WHRN: variants seen among roughly 807,000 people sequenced by gnomAD.
The protein encoded by WHRN is whirlin.
A neutral mutation model predicts 68.3 loss-of-function variants in WHRN; 41 were observed. The observed-to-expected ratio is 0.60, with a 90% confidence interval of 0.47 to 0.78. The LOEUF (loss-of-function observed/expected upper bound fraction) is 0.78, where lower values mean the gene tolerates loss of function less well. Among genes scored for constraint, WHRN ranks in the 30% least tolerant of loss-of-function variants. The probability of loss-of-function intolerance (pLI) is 0.00; values close to 1 mark genes in which losing one functional copy is unlikely to be tolerated. For synonymous variants in WHRN, 560 were observed against 561.3 expected, an observed-to-expected ratio of 1.00 and a Z score of 0.03; for missense variants, 1,243 against 1,244.7, an observed-to-expected ratio of 1.00 and a Z score of 0.02.
At chr9:114,475,810 CTG>C (rs953384701) in intron 2 of WHRN, among the ~76,000 whole-genome samples, 1 of 152,128 alleles carries the variant, frequency 6.6e-6, no homozygotes, top group Non-Finnish European at 1.5e-5. Context: ...GGTTTCCACA[CTG>C]TGTCAGGAAG....
intron 1 of WHRN, among the ~76,000 whole-genome samples, chr9:114,494,056 C>G (rs1178270405): frequency 6.6e-6 from 1 of 152,234 alleles, no homozygotes; most frequent in East Asian, 1.9e-4. Flanking sequence ...TGACTGTGTG[C>G]CCGTGATGGG....
intron 7 of WHRN, among the ~76,000 whole-genome samples, chr9:114,419,885 T>C (rs1292421268): frequency 6.6e-6 from 1 of 152,158 alleles, no homozygotes; most frequent in Non-Finnish European, 1.5e-5. Flanking sequence ...GGAAACCTGA[T>C]GACCTGGAAA....
chr9:114,454,424 C>A (rs1264709921), intron 3 of WHRN, among the ~76,000 whole-genome samples: 4 of 152,062 alleles, frequency 2.6e-5, no homozygotes, highest in African/African-American at 7.2e-5. Context: ...ATATAAAAAT[C>A]AATTCTATTT....
chr9:114,407,875 T>G, intron 8 of WHRN, 72 bp downstream of exon 8: 6 of 1,306,260 alleles, frequency 4.6e-6, no homozygotes, highest in African/African-American at 1.5e-5. Context: ...GTGGCTGTCA[T>G]GGAGAGGAGA....
At chr9:114,449,061 C>G (rs1007819462) in intron 3 of WHRN, among the ~76,000 whole-genome samples, 2 of 152,182 alleles carry the variant, frequency 1.3e-5, no homozygotes, top group African/African-American at 4.8e-5. Flanking sequence ...CTCCCAAAGC[C>G]CTTCATGTTT....
intron 1 of WHRN, among the ~76,000 whole-genome samples, chr9:114,490,179 A>G (rs542316597): frequency 6.6e-6 from 1 of 152,350 alleles, no homozygotes; most frequent in East Asian, 1.9e-4. Flanking sequence ...AGTGGACCAC[A>G]GAGCATTGGT....
At chr9:114,493,140 A>C (rs777041151) in intron 1 of WHRN, among the ~76,000 whole-genome samples, 3 of 152,110 alleles carry the variant, frequency 2.0e-5, no homozygotes, top group Non-Finnish European at 4.4e-5. Context: ...GCTTGAGCCC[A>C]GAAGTTTGAG....
chr9:114,468,625 A>C (rs1840925206), intron 2 of WHRN, among the ~76,000 whole-genome samples: 1 of 152,084 alleles, frequency 6.6e-6, no homozygotes, highest in Admixed American at 6.5e-5. Context: ...CAGCTGCCTT[A>C]GTCCAGGACC....
At chr9:114,430,716 T>C (rs918300462) in intron 3 of WHRN, among the ~76,000 whole-genome samples, 2 of 152,230 alleles carry the variant, frequency 1.3e-5, no homozygotes, top group South Asian at 2.1e-4. Flanking sequence ...AGAGGCAGCA[T>C]AGATTCCTGT....
rs1840682397 is a variant in WHRN, at chr9:114,466,266, C to T, written c.963+1G>A. On this transcript the variant is annotated splice_donor_variant, in intron 3 of 11. Transcript: ENST00000362057. LOFTEE classifies it high-confidence loss of function. Reference sequence around the variant, plus strand: ...TTTCCCTCCCTCAGGCCCTCCCTCACCTTGAGCCCGCTGCCTTCTGCTTCA... The same window carrying T: ...TTTCCCTCCCTCAGGCCCTCCCTCATCTTGAGCCCGCTGCCTTCTGCTTCA... 6.2e-7 allele frequency: 1 copy of T among 1,613,914 alleles called. No individual in the cohort carries two copies. The highest frequency in any genetic ancestry group is 8.5e-7 in the Non-Finnish European group (1 of 1,180,046).
chr9:114,500,845 A>T (rs1260659989), intron 1 of WHRN, among the ~76,000 whole-genome samples: 1 of 152,260 alleles, frequency 6.6e-6, no homozygotes, highest in East Asian at 1.9e-4. Flanking sequence ...AGCTCTCGTC[A>T]GTACAGTGTA....
intron 2 of WHRN, among the ~76,000 whole-genome samples, chr9:114,470,392 T>C (rs1465529415): frequency 6.6e-6 from 1 of 152,116 alleles, no homozygotes; most frequent in Non-Finnish European, 1.5e-5. Context: ...GGGTCCTGTA[T>C]GGCCAGAGCG....
chr9:114,409,092 CA>C (rs1835244222), intron 7 of WHRN, among the ~76,000 whole-genome samples: 1 of 152,220 alleles, frequency 6.6e-6, no homozygotes, highest in Non-Finnish European at 1.5e-5. Context: ...TTGCGTGGGC[CA>C]ATCCCACACA....
intron 1 of WHRN, among the ~76,000 whole-genome samples, chr9:114,493,908 C>G (rs1456684702): frequency 6.6e-6 from 1 of 152,246 alleles, no homozygotes; most frequent in African/African-American, 2.4e-5. Flanking sequence ...AACTCCTGCT[C>G]TTGCCAGCAC....
chr9:114,410,598 G>A (rs189054334), intron 7 of WHRN, among the ~76,000 whole-genome samples: 5 of 152,292 alleles, frequency 3.3e-5, no homozygotes, highest in East Asian at 1.9e-4. Flanking sequence ...TCCCCATCTC[G>A]ACCCACAAGA....
At chr9:114,418,695 T>C (rs1836009545) in intron 7 of WHRN, among the ~76,000 whole-genome samples, 1 of 152,238 alleles carries the variant, frequency 6.6e-6, no homozygotes, top group African/African-American at 2.4e-5. Context: ...CACATGCAGC[T>C]GCTTCTGTTG....
At chr9:114,470,984 C>T (rs1240491231) in intron 2 of WHRN, among the ~76,000 whole-genome samples, 2 of 152,128 alleles carry the variant, frequency 1.3e-5, no homozygotes, top group Non-Finnish European at 2.9e-5. Context: ...CAAACCTCCC[C>T]ACCTCCCCGC....
At chr9:114,463,257 G>C (rs2132906418) in intron 3 of WHRN, among the ~76,000 whole-genome samples, 1 of 152,346 alleles carries the variant, frequency 6.6e-6, no homozygotes, top group South Asian at 2.1e-4. Context: ...AGCCAAGTCT[G>C]TGTCCTGCCT....
intron 3 of WHRN, among the ~76,000 whole-genome samples, chr9:114,451,422 G>C (rs1182237248): frequency 1.3e-5 from 2 of 152,196 alleles, no homozygotes; most frequent in Non-Finnish European, 2.9e-5. Context: ...GCTGCCAAGA[G>C]GACGGAGCAA....
Sources: gnomAD v4.1 joint callset for allele counts (sites outside exome capture counted in the v4.1 genomes callset) on GRCh38, gnomAD v4.1.1 for gene constraint, MANE v1.5 for transcripts, NCBI Gene and HGNC (gene_info 2026-07-23, HGNC 2026-07-21) for gene names.